The following ASIC2 variants were observed in gnomAD, a reference collection of about 807,000 sequenced individuals.
ASIC2 encodes the protein acid sensing ion channel subunit 2, also known as acid-sensing ion channel 2.
A neutral mutation model predicts 57.3 loss-of-function variants in ASIC2; 25 were observed. The observed-to-expected ratio is 0.44, with a 90% CI of 0.32 to 0.61. The LOEUF is 0.61. Among genes scored for constraint, ASIC2 ranks in the 20% least tolerant of loss-of-function variants. The pLI, the probability that ASIC2 is intolerant of heterozygous loss-of-function variation, is 0.06. For missense variants in ASIC2, 641 were observed against 738.1 expected (o/e 0.87, Z 1.52); for synonymous variants, 319 against 307.5 (o/e 1.04, Z -0.39).
chr17:33,450,713 A>G (rs547342948), intron 1 of ASIC2, among the ~76,000 whole-genome samples: 9 of 152,220 alleles, frequency 5.9e-5, no homozygotes, highest in Non-Finnish European at 1.2e-4. Flanking sequence ...ACAGAAAGAG[A>G]CTGCCTCCAT....
At chr17:34,053,144 C>A (rs1252190465) in intron 1 of ASIC2, among the ~76,000 whole-genome samples, 1 of 152,114 alleles carries the variant, frequency 6.6e-6, no homozygotes, top group Admixed American at 6.6e-5. Flanking sequence ...AGAAAAAAAA[C>A]AAAACATTTC....
chr17:33,688,104 C>A (rs1433845996), intron 1 of ASIC2, among the ~76,000 whole-genome samples: 1 of 152,032 alleles, frequency 6.6e-6, no homozygotes, highest in Non-Finnish European at 1.5e-5. Flanking sequence ...TTGGGGGTGG[C>A]CTGAGGGTTA....
At chr17:33,848,189 G>T (rs1384569937) in intron 1 of ASIC2, among the ~76,000 whole-genome samples, 1 of 152,152 alleles carries the variant, frequency 6.6e-6, no homozygotes, top group African/African-American at 2.4e-5. Context: ...AGAAGGCACT[G>T]CAGCCTTTGC....
intron 1 of ASIC2, among the ~76,000 whole-genome samples, chr17:33,567,708 A>C (rs1000832572): frequency 6.6e-6 from 1 of 152,156 alleles, no homozygotes; most frequent in South Asian, 2.1e-4. Flanking sequence ...GCAATTGGGT[A>C]CATGGAGGCA....
intron 1 of ASIC2, among the ~76,000 whole-genome samples, chr17:33,578,168 G>T (rs879806158): frequency 5.3e-5 from 8 of 152,014 alleles, no homozygotes; most frequent in Non-Finnish European, 8.8e-5. Flanking sequence ...TTATTTAACT[G>T]AACCCCTTCC....
intron 3 of ASIC2, among the ~76,000 whole-genome samples, chr17:33,058,897 A>T (rs2092009448): frequency 6.6e-6 from 1 of 152,210 alleles, no homozygotes; most frequent in Admixed American, 6.6e-5. Context: ...AGTGTTCAAC[A>T]ATAGAGAGAT....
chr17:33,327,322 AC>A (rs1907118355), intron 1 of ASIC2, among the ~76,000 whole-genome samples: 1 of 152,190 alleles, frequency 6.6e-6, no homozygotes, highest in African/African-American at 2.4e-5. Context: ...AGTGCTTAGT[AC>A]AGTTTCCAAG....
In ASIC2 at chr17:33,662,935, G is replaced by A. The variant is rs573277316; in HGVS notation, c.555+493043C>T. Among the ~76,000 whole-genome samples, 28 of 152,258 alleles carry A rather than the reference G, an allele frequency of 1.8e-4. No homozygotes were observed. In the East Asian group the frequency reaches 4.4e-3, roughly 24 times the overall value. ...AATCCAATATTTTTCAAAAGGGTTCGTATTCAACCCGGGTAGTAGTGAAAT... is the reference window on the plus strand; with the variant it reads ...AATCCAATATTTTTCAAAAGGGTTCATATTCAACCCGGGTAGTAGTGAAAT... On this transcript the variant is annotated intron_variant, in intron 1 of 9. Coordinates refer to the ASIC2 transcript ENST00000359872.
At chr17:33,196,888 G>A (rs540898899) in intron 1 of ASIC2, among the ~76,000 whole-genome samples, 1 of 152,324 alleles carries the variant, frequency 6.6e-6, no homozygotes, top group Admixed American at 6.5e-5. Flanking sequence ...CTCCGCCTCG[G>A]CATTAGAATA....
At chr17:33,934,828 T>G (rs1916023765) in intron 1 of ASIC2, among the ~76,000 whole-genome samples, 1 of 152,188 alleles carries the variant, frequency 6.6e-6, no homozygotes, top group Non-Finnish European at 1.5e-5. Flanking sequence ...TTGCCTAATC[T>G]TTCTCAAACC....
At chr17:33,631,779 T>C (rs1906180055) in intron 1 of ASIC2, among the ~76,000 whole-genome samples, 3 of 152,136 alleles carry the variant, frequency 2.0e-5, no homozygotes, top group African/African-American at 7.2e-5. Context: ...CAGGGTGGAA[T>C]GTGTTCCCCT....
At chr17:33,271,466 G>T (rs949311361) in intron 1 of ASIC2, among the ~76,000 whole-genome samples, 1 of 152,002 alleles carries the variant, frequency 6.6e-6, no homozygotes, top group African/African-American at 2.4e-5. Flanking sequence ...CATTGAATTC[G>T]CCTCCCACCT....
rs1379589791 is a variant in ASIC2, at chr17:33,846,811, G to A, written c.555+309167C>T. ...ACGATCTCGGCTCACTGCAAGCTCT[G>A]CCTCCCGGGTTCACGCCTTTCTCCT... On this transcript the variant is annotated intron_variant, in intron 1 of 9. Transcript: ENST00000359872. Among the ~76,000 whole-genome samples, 4 of 150,910 alleles carry A rather than the reference G, an allele frequency of 2.7e-5. No individual in the cohort carries two copies. The East Asian group carries it at 5.9e-4, about 22-fold the overall frequency.
intron 1 of ASIC2, among the ~76,000 whole-genome samples, chr17:33,801,041 C>T (rs1273892537): frequency 1.3e-5 from 2 of 152,292 alleles, no homozygotes; most frequent in East Asian, 1.9e-4. Context: ...ATTAAAAACC[C>T]TCTAGGAAAG....
At chr17:33,280,666 A>G (rs952932226) in intron 1 of ASIC2, among the ~76,000 whole-genome samples, 3 of 152,256 alleles carry the variant, frequency 2.0e-5, no homozygotes, top group Non-Finnish European at 4.4e-5. Context: ...ATCCATGTGC[A>G]GGGAGCGTAA....
intron 1 of ASIC2, among the ~76,000 whole-genome samples, chr17:33,559,368 C>A (rs1916004001): frequency 6.6e-6 from 1 of 152,164 alleles, no homozygotes; most frequent in East Asian, 1.9e-4. Flanking sequence ...AAATCTGATT[C>A]CTGCTTCTGG....
rs758740994 is a variant in ASIC2, at chr17:34,156,126, G to C, written c.407C>G (p.Ala136Gly). The change falls in exon 1 of 10, where the codon GCC becomes GGC. Residue 136 changes from alanine to glycine, a missense_variant. Coordinates refer to the ASIC2 transcript ENST00000359872. This position sits in a 1 kb window ranked among gnomAD's most constrained non-coding sequence, Gnocchi z 4.4. Reference sequence around the variant, plus strand: ...CTTGAAGTTGGCCTTCTGCCGCAGGGCCTCCAGCACGGAGGGGTCAGCCAG... The same window carrying C: ...CTTGAAGTTGGCCTTCTGCCGCAGGCCCTCCAGCACGGAGGGGTCAGCCAG... The C allele has an allele frequency of 6.2e-7, 1 of 1,614,104 alleles. No individual in the cohort carries two copies. Among genetic ancestry groups the C allele is most frequent in the Non-Finnish European group, 8.5e-7 (1 of 1,180,024 alleles).
At chr17:33,889,811 T>C (rs1022099223) in intron 1 of ASIC2, among the ~76,000 whole-genome samples, 2 of 152,238 alleles carry the variant, frequency 1.3e-5, no homozygotes, top group Admixed American at 1.3e-4. Context: ...TGCCAGGTGC[T>C]GGGCTAGACC....
intron 1 of ASIC2, among the ~76,000 whole-genome samples, chr17:34,138,561 C>T (rs1912186717): frequency 6.6e-6 from 1 of 152,210 alleles, no homozygotes; most frequent in Non-Finnish European, 1.5e-5. Context: ...TTCTGAGCTG[C>T]CTTATGCCAC....
Sources: gnomAD v4.1 joint callset for allele counts (sites outside exome capture counted in the v4.1 genomes callset) on GRCh38, gnomAD v4.1.1 for gene constraint, Gnocchi (gnomAD v3.1) non-coding constraint, MANE v1.5 for transcripts, NCBI Gene and HGNC (gene_info 2026-07-23, HGNC 2026-07-21) for gene names.